PANK4: variants seen among roughly 807,000 people sequenced by gnomAD.
The protein encoded by PANK4 is pantothenate kinase 4 (inactive).
Under a neutral mutation model 87.9 loss-of-function variants are expected in PANK4, and 40 were observed. That is an observed-to-expected ratio of 0.46 (90% CI 0.35 to 0.59). PANK4 has a LOEUF of 0.59. Among genes scored for constraint, PANK4 ranks in the 20% least tolerant of loss-of-function variants. The probability of loss-of-function intolerance (pLI) is 0.00; values close to 1 mark genes in which losing one functional copy is unlikely to be tolerated. For missense variants in PANK4, 926 were observed against 1,072.3 expected (o/e 0.86, Z 1.90); for synonymous variants, 524 against 467.4 (o/e 1.12, Z -1.56).
rs1643863377 is a variant in PANK4 at position 2,520,212 on chromosome 1, CAGGAGGGAGGCCCGGA to C, written c.699+94_699+109del. ...AGGCCAGAGACCCACTGACGCGAGT[CAGGAGGGAGGCCCGGA>C]AGCAGCTTTTGCACCGCCCAGCTGC... On this transcript the variant is annotated intron_variant, in intron 5 of 18. Transcript: ENST00000378466. The surrounding 1 kb of genome is among the most constrained non-coding windows in gnomAD (Gnocchi z 6.2). The C allele has an allele frequency of 2.9e-6, 3 of 1,044,042 alleles. No individual in the cohort carries two copies. In the Admixed American group the frequency reaches 5.5e-5, roughly 19 times the overall value. 64.7% of individuals were successfully genotyped at this position (1,044,042 alleles called of 1,614,324 possible). A position where few individuals can be genotyped will look rare whatever the true frequency, so the allele number is the denominator to read the frequency against.
At chr1:2,523,523 G>C (rs1348851300) in intron 1 of PANK4, among the ~76,000 whole-genome samples, 1 of 152,112 alleles carries the variant, frequency 6.6e-6, no homozygotes, top group African/African-American at 2.4e-5. Context: ...CAGAAATCCA[G>C]TTTCAGGCCC....
rs1643606251 is a variant in PANK4 at position 2,508,610 on chromosome 1, ATTT to A, written c.*234_*236del. 1 of 222,440 alleles carries A rather than the reference ATTT, an allele frequency of 4.5e-6. No homozygotes were observed. The highest frequency in any genetic ancestry group is 3.0e-5 in the African/African-American group (1 of 33,272). The allele number at this position is 222,440 out of a possible 1,614,324, so 13.8% of individuals were successfully genotyped here. ...CAGACATACCTGTATAGATCTCTCTATTTATATATATATATATATAAAAGGTTC... is the reference window on the plus strand; with the variant it reads ...CAGACATACCTGTATAGATCTCTCTAATATATATATATATATAAAAGGTTC... On this transcript the variant is annotated 3_prime_UTR_variant, in exon 19 of 19. Coordinates refer to ENST00000378466, the MANE Select transcript of PANK4 (RefSeq NM_018216.4). This position sits in a 1 kb window ranked among gnomAD's most constrained non-coding sequence, Gnocchi z 5.1.
intron 1 of PANK4, among the ~76,000 whole-genome samples, chr1:2,523,734 C>T (rs1194328410): frequency 2.0e-5 from 3 of 152,246 alleles, no homozygotes; most frequent in Non-Finnish European, 4.4e-5. Context: ...GGGGCACGCA[C>T]AGCAGGGAGA....
intron 1 of PANK4, among the ~76,000 whole-genome samples, chr1:2,524,418 A>G (rs1643902827): frequency 6.6e-6 from 1 of 152,210 alleles, no homozygotes; most frequent in African/African-American, 2.4e-5. Flanking sequence ...CTCGGTCAGG[A>G]GTAACAAACA....
chr1:2,514,557 G>C, intron 10 of PANK4, 91 bp from the exon 11 acceptor site: 1 of 857,362 alleles, frequency 1.2e-6, no homozygotes, highest in Non-Finnish European at 1.8e-6. Context: ...GGAAGGGTGG[G>C]GGTCGGCCGT....
rs368384065 is a variant in PANK4, at chr1:2,509,854, G to A, written c.2108+8C>T. ...GAGGGAGAGAACAGGTGCAGGGTGC[G>A]GGGTTACCTGAGGTCGAGGCACGGG... On this transcript the variant is annotated splice_region_variant and intron_variant, in intron 18 of 18. Coordinates refer to ENST00000378466, the MANE Select transcript of PANK4 (RefSeq NM_018216.4). The surrounding 1 kb of genome is among the most constrained non-coding windows in gnomAD (Gnocchi z 4.9). 252 of 1,609,744 alleles carry A rather than the reference G, an allele frequency of 1.6e-4. No homozygotes were observed. The highest frequency in any genetic ancestry group is 1.7e-4 in the Non-Finnish European group (198 of 1,178,524).
In PANK4 at chr1:2,519,643, G is replaced by T. The variant is rs749461761; in HGVS notation, c.853+158C>A. Among the ~76,000 whole-genome samples, 5 of 152,242 alleles carry T rather than the reference G, an allele frequency of 3.3e-5. No individual in the cohort carries two copies. The highest frequency in any genetic ancestry group is 7.3e-5 in the Non-Finnish European group (5 of 68,046). ...ACGTTCTGAGCAGTGGGCCTGAGCT[G>T]CAGCGACTCGGCAGGAAGAGGTTAC... On this transcript the variant is annotated intron_variant, in intron 6 of 18. Coordinates refer to ENST00000378466, the MANE Select transcript of PANK4 (RefSeq NM_018216.4). The surrounding 1 kb of genome is among the most constrained non-coding windows in gnomAD (Gnocchi z 8.3).
Position 2,520,183 on chromosome 1 carries a change from G to T in PANK4, c.699+139C>A, listed in dbSNP as rs771807634. 7 of 829,400 alleles carry T rather than the reference G, an allele frequency of 8.4e-6. No homozygotes were observed. The highest frequency in any genetic ancestry group is 1.2e-5 in the Non-Finnish European group (6 of 514,060). 51.4% of individuals were successfully genotyped at this position (829,400 alleles called of 1,614,324 possible). On this transcript the variant is annotated intron_variant, in intron 5 of 18. Transcript: ENST00000378466. This position sits in a 1 kb window ranked among gnomAD's most constrained non-coding sequence, Gnocchi z 6.2. The stretch of plus-strand genomic sequence containing the variant: ...CCCTCAGGGCGCAAAGAGTGAAGCC[G>T]CAGAGGCCAGAGACCCACTGACGCG...
intron 1 of PANK4, 107 bp downstream of exon 1, chr1:2,526,357 G>T (rs895137897): frequency 3.2e-6 from 2 of 620,438 alleles, no homozygotes; most frequent in Non-Finnish European, 4.0e-6. Flanking sequence ...CTGTGCGCGA[G>T]GCCCGCGCCC....
Position 2,515,312 on chromosome 1 carries a change from G to A in PANK4, c.1374+250C>T, listed in dbSNP as rs1643747939. The A allele has an allele frequency of 1.5e-6, 1 of 687,520 alleles. No individual in the cohort carries two copies. The highest frequency in any genetic ancestry group is 2.0e-5 in the Admixed American group (1 of 49,460). 42.6% of individuals were successfully genotyped at this position (687,520 alleles called of 1,614,324 possible). Reference sequence around the variant, plus strand: ...GCTTTTTGAAGGAATGTGCTAGCTAGCAGAACTATCAGCTGCCCTTAGAAG... The same window carrying A: ...GCTTTTTGAAGGAATGTGCTAGCTAACAGAACTATCAGCTGCCCTTAGAAG... On this transcript the variant is annotated intron_variant, in intron 10 of 18. Coordinates refer to ENST00000378466, the MANE Select transcript of PANK4 (RefSeq NM_018216.4). This position sits in a 1 kb window ranked among gnomAD's most constrained non-coding sequence, Gnocchi z 5.0.
chr1:2,521,854 T>C (rs1258343183), intron 1 of PANK4, 54 bp from the exon 2 acceptor site: 5 of 1,366,118 alleles, frequency 3.7e-6, no homozygotes, highest in Non-Finnish European at 5.2e-6. Context: ...CAGCGGGGCC[T>C]GGGGGTCCAT....
In PANK4 at chr1:2,510,712, G is replaced by C; in HGVS notation, c.1904C>G (p.Pro635Arg). The C allele has an allele frequency of 2.5e-6, 4 of 1,610,728 alleles. No homozygotes were observed. Among genetic ancestry groups the C allele is most frequent in the Non-Finnish European group, 3.4e-6 (4 of 1,177,638 alleles). ...SGIDIILGVF[P>R]FVRELLLRGT... ...TCTAAGGAGTAGCTCCCTGACAAAG[G>C]GGAAGACTCCCAAAATGATGTCTAT... Residue 635 changes from proline (P) to arginine (R), a missense_variant, in exon 16 of 19, where the codon CCC (proline) becomes CGC (arginine). Pro to Arg is a moderately radical substitution (Grantham distance 103). Coordinates refer to ENST00000378466, the MANE Select transcript of PANK4 (RefSeq NM_018216.4). The surrounding 1 kb of genome is among the most constrained non-coding windows in gnomAD (Gnocchi z 4.9).
intron 9 of PANK4, among the ~76,000 whole-genome samples, chr1:2,516,983 CA>C (rs1643792350): frequency 6.6e-6 from 1 of 152,238 alleles, no homozygotes; most frequent in Admixed American, 6.5e-5. Context: ...GGTGGGGTAC[CA>C]AATAGGTAAC....
At chr1:2,521,687 C>T (rs1210020314) in intron 2 of PANK4, 31 bp downstream of exon 2, 1 of 1,570,162 alleles carries the variant, frequency 6.4e-7, no homozygotes, top group Non-Finnish European at 8.8e-7. Flanking sequence ...AAGCGGCTGC[C>T]CTGCCCCGGG....
At chr1:2,521,533 G>A (rs945716164) in intron 2 of PANK4, 185 bp downstream of exon 2, 10 of 704,300 alleles carry the variant, frequency 1.4e-5, no homozygotes, top group African/African-American at 3.5e-5. Flanking sequence ...ACAGGCGGGC[G>A]CAGGTTCCTA....
chr1:2,509,798 A>T lies in PANK4; in HGVS notation c.2108+64T>A. ...CGGTGTCCCGCATGCACCTGGGTGC[A>T]GGTGCACGGCACAGAGGGCACAGAG... On this transcript the variant is annotated intron_variant, in intron 18 of 18. Coordinates refer to ENST00000378466, the MANE Select transcript of PANK4 (RefSeq NM_018216.4). The surrounding 1 kb of genome is among the most constrained non-coding windows in gnomAD (Gnocchi z 4.9). The T allele has an allele frequency of 3.5e-6, 5 of 1,432,810 alleles. No homozygotes were observed. The South Asian group carries it at 5.8e-5, about 17-fold the overall frequency. 88.8% of individuals were successfully genotyped at this position (1,432,810 alleles called of 1,614,324 possible).
intron 9 of PANK4, among the ~76,000 whole-genome samples, chr1:2,516,665 C>T (rs1241775299): frequency 6.6e-6 from 1 of 152,178 alleles, no homozygotes; most frequent in Non-Finnish European, 1.5e-5. Flanking sequence ...ACCTCCAGAG[C>T]AAAGGGGACG....
chr1:2,513,514 C>T (rs76591030), intron 12 of PANK4, among the ~76,000 whole-genome samples: 2,134 of 152,338 alleles, frequency 0.014, 35 homozygotes, highest in South Asian at 0.037. Context: ...GCAAAACGGA[C>T]GCCCGGAAAG....
chr1:2,518,041 C>T, intron 9 of PANK4, 123 bp downstream of exon 9: 7 of 576,912 alleles, frequency 1.2e-5, no homozygotes, highest in Non-Finnish European at 1.8e-5. Flanking sequence ...TGGGAGGATT[C>T]GCCATGGGCA....
Sources: gnomAD v4.1 joint callset for allele counts (sites outside exome capture counted in the v4.1 genomes callset) on GRCh38, gnomAD v4.1.1 for gene constraint, Gnocchi (gnomAD v3.1) non-coding constraint, MANE v1.5 for transcripts, NCBI Gene and HGNC (gene_info 2026-07-23, HGNC 2026-07-21) for gene names.